The following ITIH5 variants were observed in gnomAD, a reference collection of about 807,000 sequenced individuals.
ITIH5 encodes inter-alpha-trypsin inhibitor heavy chain 5.
Under a neutral mutation model 77.5 loss-of-function variants are expected in ITIH5, and 65 were observed. The observed-to-expected ratio is 0.84, with a 90% confidence interval of 0.69 to 1.03. The LOEUF (loss-of-function observed/expected upper bound fraction) is 1.03. Ranked by LOEUF, ITIH5 falls within the 50% of genes least tolerant of loss-of-function variation. The pLI is 0.00. For synonymous variants in ITIH5, 525 were observed against 494.3 expected (o/e 1.06, Z -0.82); for missense variants, 1,208 against 1,213.1 (o/e 1.00, Z 0.06).
At chr10:7,653,252 G>C (rs1402795913) in intron 2 of ITIH5, among the ~76,000 whole-genome samples, 1 of 152,196 alleles carries the variant, frequency 6.6e-6, no homozygotes, top group African/African-American at 2.4e-5. Flanking sequence ...TGTTGCCCAA[G>C]CTAGAGTGCA....
chr10:7,628,719 G>A (rs1362864292), intron 5 of ITIH5, among the ~76,000 whole-genome samples: 1 of 121,828 alleles, frequency 8.2e-6, no homozygotes, highest in Non-Finnish European at 1.6e-5. Context: ...CCATGTTGTA[G>A]CGTGTGTCCA....
chr10:7,655,882 A>G (rs181334992), intron 1 of ITIH5, among the ~76,000 whole-genome samples: 13 of 152,310 alleles, frequency 8.5e-5, no homozygotes, highest in Non-Finnish European at 1.6e-4. Context: ...TCCCTGTCAG[A>G]TCTGGTTGAC....
intron 1 of ITIH5, among the ~76,000 whole-genome samples, chr10:7,660,087 C>A (rs896593766): frequency 1.3e-5 from 2 of 152,134 alleles, no homozygotes; most frequent in African/African-American, 2.4e-5. Context: ...ATTTCTCCAG[C>A]ATCAGAACAG....
At position 7,644,617 on chromosome 10, in the gene ITIH5, TATATATCAC is replaced by T. The variant is rs1458457598; in HGVS notation, c.136-2536_136-2528del. Among the ~76,000 whole-genome samples, 35 of 110,292 alleles carry T rather than the reference TATATATCAC, an allele frequency of 3.2e-4. 1 individual carries two copies. Among genetic ancestry groups the T allele is most frequent in the Non-Finnish European group, 4.5e-4 (25 of 55,532 alleles). The allele number at this position is 110,292 out of a possible 152,430, so 72.4% of individuals were successfully genotyped here. The stretch of plus-strand genomic sequence containing the variant: ...TATCATACATATCACATATATCACA[TATATATCAC>T]ATATATCACATATATATCATATATA... On this transcript the variant is annotated intron_variant, in intron 2 of 13. Coordinates refer to ENST00000397146, the MANE Select transcript of ITIH5 (RefSeq NM_030569.7).
At chr10:7,587,842 C>T (rs1832713490) in intron 7 of ITIH5, among the ~76,000 whole-genome samples, 1 of 152,162 alleles carries the variant, frequency 6.6e-6, no homozygotes, top group South Asian at 2.1e-4. Flanking sequence ...GGTCTCTTCC[C>T]CGGTTCATGA....
intron 2 of ITIH5, 49 bp downstream of exon 2, chr10:7,655,582 T>C: frequency 2.1e-6 from 3 of 1,454,350 alleles, no homozygotes; most frequent in Admixed American, 1.7e-5. Context: ...TCAAAATAAA[T>C]AGAAGAATGA....
At chr10:7,578,196 G>A (rs1382686597) in intron 9 of ITIH5, 1 of 161,968 alleles carries the variant, frequency 6.2e-6, no homozygotes, top group Admixed American at 6.5e-5. Context: ...GATCTAGCCT[G>A]TTACCATTAC....
In ITIH5 at chr10:7,637,404, TA is replaced by T. The variant is rs1205894202; in HGVS notation, c.475del (p.Tyr159MetfsTer27). On this transcript the variant is annotated frameshift_variant, in exon 5 of 14. Coordinates refer to ENST00000397146, the MANE Select transcript of ITIH5 (RefSeq NM_030569.7). LOFTEE classifies it high-confidence loss of function. Reference protein sequence around the residue: ...SKDKAAFFLSYEELLQRRLGK... With the variant: ...SKDKAAFFLSXEELLQRRLGK... ...CAGGCGCCTCTGCAGAAGCTCCTCA[TA>T]ACTCAGGAAAAAGGCGGCTTTGTCC... 1 of 1,613,952 alleles carries T rather than the reference TA, an allele frequency of 6.2e-7. No homozygotes were observed. Among genetic ancestry groups the T allele is most frequent in the Non-Finnish European group, 8.5e-7 (1 of 1,179,924 alleles).
intron 7 of ITIH5, among the ~76,000 whole-genome samples, chr10:7,588,307 T>A (rs1344187663): frequency 1.3e-5 from 2 of 152,100 alleles, no homozygotes; most frequent in African/African-American, 4.8e-5. Context: ...TCACTTGAGG[T>A]GAGGAGTTTG....
At chr10:7,629,689 G>A (rs1385236853) in intron 5 of ITIH5, among the ~76,000 whole-genome samples, 5 of 152,116 alleles carry the variant, frequency 3.3e-5, no homozygotes, top group South Asian at 2.1e-4. Flanking sequence ...TCCATTGTAC[G>A]CATATACCAC....
intron 5 of ITIH5, among the ~76,000 whole-genome samples, chr10:7,632,652 G>A (rs1264380684): frequency 6.6e-6 from 1 of 152,092 alleles, no homozygotes; most frequent in African/African-American, 2.4e-5. Context: ...CAAAAGTACA[G>A]CTCCGTAGCC....
In ITIH5 at chr10:7,642,745, C is replaced by T. The variant is rs117054826; in HGVS notation, c.136-655G>A. Among the ~76,000 whole-genome samples, 647 of 152,288 alleles carry T rather than the reference C, an allele frequency of 4.2e-3. 5 individuals carry two copies. Among genetic ancestry groups the T allele is most frequent in the Non-Finnish European group, 6.1e-3 (415 of 68,024 alleles). Reference sequence around the variant, plus strand: ...TAACTAGAAGATGCAAATGTAAAAGCCTGTTAAAACTCTTCAGGGCTTTTT... The same window carrying T: ...TAACTAGAAGATGCAAATGTAAAAGTCTGTTAAAACTCTTCAGGGCTTTTT... On this transcript the variant is annotated intron_variant, in intron 2 of 13. Transcript: ENST00000397146.
intron 2 of ITIH5, among the ~76,000 whole-genome samples, chr10:7,646,901 C>A (rs933055980): frequency 3.9e-5 from 6 of 152,176 alleles, no homozygotes; most frequent in African/African-American, 1.4e-4. Context: ...TTACTTCTAT[C>A]ATACTCTACT....
chr10:7,585,765 C>T, intron 8 of ITIH5, 136 bp downstream of exon 8: 1 of 702,418 alleles, frequency 1.4e-6, no homozygotes, highest in Non-Finnish European at 2.3e-6. Flanking sequence ...GCTGAGAAAG[C>T]TCTCGCCTGC....
chr10:7,653,113 C>T lies in ITIH5; in HGVS notation c.135+2518G>A, dbSNP rs115365113. 6.9e-3 allele frequency among the ~76,000 whole-genome samples: 1,043 copies of T among 152,204 alleles called. 15 individuals are homozygous for T. Among genetic ancestry groups the T allele is most frequent in the African/African-American group, 0.023 (970 of 41,534 alleles). The stretch of plus-strand genomic sequence containing the variant: ...AAAGAGTAATTATATCAGTTGCTGG[C>T]AGAAATGTGTGTATTCATCATTGCT... On this transcript the variant is annotated intron_variant, in intron 2 of 13. Transcript: ENST00000397146.
intron 5 of ITIH5, among the ~76,000 whole-genome samples, chr10:7,625,413 G>T (rs1833559677): frequency 6.6e-6 from 1 of 152,122 alleles, no homozygotes; most frequent in Admixed American, 6.5e-5. Flanking sequence ...AGATGGAAAA[G>T]TTCAGGAGAT....
At chr10:7,581,313 G>A (rs1832547927) in intron 8 of ITIH5, among the ~76,000 whole-genome samples, 1 of 151,864 alleles carries the variant, frequency 6.6e-6, no homozygotes, top group South Asian at 2.1e-4. Context: ...TAAAGTTGGG[G>A]GCGAAAGGGA....
chr10:7,565,882 A>G (rs1832142779), intron 13 of ITIH5, 148 bp downstream of exon 13: 4 of 980,498 alleles, frequency 4.1e-6, no homozygotes, highest in Non-Finnish European at 5.9e-6. Flanking sequence ...ACACACATAC[A>G]TACATACATA....
intron 1 of ITIH5, among the ~76,000 whole-genome samples, chr10:7,659,812 C>T (rs1281407529): frequency 4.6e-5 from 7 of 152,162 alleles, no homozygotes; most frequent in Non-Finnish European, 8.8e-5. Context: ...TCCCAGTACA[C>T]GTACATTGCT....
Sources: gnomAD v4.1 joint callset for allele counts (sites outside exome capture counted in the v4.1 genomes callset) on GRCh38, gnomAD v4.1.1 for gene constraint, MANE v1.5 for transcripts, NCBI Gene and HGNC (gene_info 2026-07-23, HGNC 2026-07-21) for gene names.